The following SRPK2 variants were observed in gnomAD, a reference collection of about 807,000 sequenced individuals.
SRPK2 encodes SRSF protein kinase 2.
In SRPK2, 21 loss-of-function variants were observed where a neutral mutation model predicts 90.8. That is an observed-to-expected ratio of 0.23 (90% confidence interval 0.16 to 0.33). SRPK2 has a LOEUF of 0.33. Among genes scored for constraint, SRPK2 ranks in the 10% least tolerant of loss-of-function variants. The pLI is 1.00. For missense variants in SRPK2, 620 were observed against 869.0 expected, an observed-to-expected ratio of 0.71 and a Z score of 3.60; for synonymous variants, 288 against 311.1, an observed-to-expected ratio of 0.93 and a Z score of 0.78.
At chr7:105,313,872 A>C (rs981472051) in intron 2 of SRPK2, among the ~76,000 whole-genome samples, 1 of 152,224 alleles carries the variant, frequency 6.6e-6, no homozygotes, top group African/African-American at 2.4e-5. Flanking sequence ...TCAAATAGAA[A>C]AACAAGCAAA....
At chr7:105,285,497 A>G (rs1433813604) in intron 2 of SRPK2, among the ~76,000 whole-genome samples, 2 of 152,148 alleles carry the variant, frequency 1.3e-5, no homozygotes, top group East Asian at 1.9e-4. Context: ...TTTCAAATAA[A>G]TTATATGTGG....
chr7:105,153,514 G>A (rs146934472), intron 7 of SRPK2, among the ~76,000 whole-genome samples: 7 of 152,200 alleles, frequency 4.6e-5, no homozygotes, highest in Non-Finnish European at 7.4e-5. Context: ...GATAAGTCGG[G>A]GAACAGTCAA....
At chr7:105,397,199 AT>A (rs1331789066) in intron 1 of SRPK2, among the ~76,000 whole-genome samples, 1 of 151,516 alleles carries the variant, frequency 6.6e-6, no homozygotes, top group East Asian at 1.9e-4. Context: ...TGTATTTTTA[AT>A]AGAGACGTGG....
At chr7:105,364,637 C>T (rs1016354177) in intron 2 of SRPK2, among the ~76,000 whole-genome samples, 1 of 151,952 alleles carries the variant, frequency 6.6e-6, no homozygotes, top group African/African-American at 2.4e-5. Context: ...CTCCTGATCT[C>T]GTGATCCGCC....
At chr7:105,341,309 G>C (rs1585789020) in intron 2 of SRPK2, among the ~76,000 whole-genome samples, 2 of 139,880 alleles carry the variant, frequency 1.4e-5, no homozygotes, top group African/African-American at 5.4e-5. Context: ...TGTGAGCCAA[G>C]ATCGTGCCAC....
chr7:105,323,505 C>T (rs1813177150), intron 2 of SRPK2, among the ~76,000 whole-genome samples: 1 of 152,206 alleles, frequency 6.6e-6, no homozygotes, highest in South Asian at 2.1e-4. Context: ...GTTTGAGACA[C>T]TGTAGGCAGT....
At chr7:105,189,041 T>A (rs1437192041) in intron 3 of SRPK2, 1 of 152,676 alleles carries the variant, frequency 6.5e-6, no homozygotes, top group Non-Finnish European at 1.5e-5. Context: ...GTCGACACTT[T>A]CTAAACCCAG....
At chr7:105,314,574 G>C (rs1240736575) in intron 2 of SRPK2, among the ~76,000 whole-genome samples, 1 of 152,062 alleles carries the variant, frequency 6.6e-6, no homozygotes, top group Non-Finnish European at 1.5e-5. Context: ...GGTAGAGACA[G>C]GGTTTCACCA....
intron 3 of SRPK2, among the ~76,000 whole-genome samples, chr7:105,171,100 G>A (rs1282015934): frequency 6.6e-6 from 1 of 151,826 alleles, no homozygotes; most frequent in East Asian, 2.0e-4. Context: ...GAGGGGACGG[G>A]AAGGGAGAGG....
intron 2 of SRPK2, among the ~76,000 whole-genome samples, chr7:105,355,875 C>A (rs1199548639): frequency 6.6e-6 from 1 of 151,650 alleles, no homozygotes; most frequent in Non-Finnish European, 1.5e-5. Context: ...ATGGTGAAAC[C>A]CCGTCTCTAC....
intron 11 of SRPK2, among the ~76,000 whole-genome samples, 174 bp downstream of exon 11, chr7:105,141,834 G>A (rs1562976272): frequency 6.6e-6 from 1 of 152,104 alleles, no homozygotes; most frequent in Non-Finnish European, 1.5e-5. Context: ...ATAGCCTAAT[G>A]GCATAGAAAA....
At chr7:105,368,030 C>T (rs1459880771) in intron 2 of SRPK2, among the ~76,000 whole-genome samples, 1 of 152,124 alleles carries the variant, frequency 6.6e-6, no homozygotes, top group Non-Finnish European at 1.5e-5. Context: ...AGCTTAGAAT[C>T]ATCTAAAGTG....
At chr7:105,181,448 G>T (rs925315083) in intron 3 of SRPK2, among the ~76,000 whole-genome samples, 1 of 152,144 alleles carries the variant, frequency 6.6e-6, no homozygotes, top group Admixed American at 6.5e-5. Flanking sequence ...TATTCCCAAT[G>T]ACAAAGGCAT....
At chr7:105,360,057 T>C (rs1423527389) in intron 2 of SRPK2, among the ~76,000 whole-genome samples, 1 of 152,232 alleles carries the variant, frequency 6.6e-6, no homozygotes, top group East Asian at 1.9e-4. Context: ...TGAATCTGGA[T>C]GTTCCTGTAT....
intron 2 of SRPK2, among the ~76,000 whole-genome samples, chr7:105,263,329 A>G (rs1022907350): frequency 2.0e-5 from 3 of 152,182 alleles, no homozygotes; most frequent in Admixed American, 6.5e-5. Flanking sequence ...TTTCAAAAAA[A>G]AAAAAGAAAA....
At chr7:105,274,097 T>C (rs528146223) in intron 2 of SRPK2, among the ~76,000 whole-genome samples, 3 of 152,152 alleles carry the variant, frequency 2.0e-5, no homozygotes, top group Admixed American at 6.5e-5. Flanking sequence ...ACAACCCAAA[T>C]AGTAAAACCC....
intron 2 of SRPK2, among the ~76,000 whole-genome samples, chr7:105,247,841 G>A (rs936745380): frequency 1.3e-5 from 2 of 151,744 alleles, no homozygotes; most frequent in African/African-American, 4.8e-5. Context: ...GGATTATAGG[G>A]CATGAGCTGT....
intron 2 of SRPK2, among the ~76,000 whole-genome samples, chr7:105,387,014 G>A (rs1004539685): frequency 4.6e-5 from 7 of 152,074 alleles, no homozygotes; most frequent in Non-Finnish European, 1.0e-4. Context: ...AAAGGCCCTC[G>A]ACCATTAGGA....
intron 2 of SRPK2, among the ~76,000 whole-genome samples, chr7:105,263,762 C>T (rs1804655221): frequency 1.3e-5 from 2 of 151,852 alleles, no homozygotes; most frequent in Admixed American, 1.3e-4. Context: ...AACAAACAAA[C>T]AAAAACACTG....
Sources: gnomAD v4.1 joint callset for allele counts (sites outside exome capture counted in the v4.1 genomes callset) on GRCh38, gnomAD v4.1.1 for gene constraint, MANE v1.5 for transcripts, NCBI Gene and HGNC (gene_info 2026-07-23, HGNC 2026-07-21) for gene names.